Variants in CLMN observed in about 807,000 individuals in gnomAD.
CLMN encodes calmin (calponin-like, transmembrane).
In CLMN, 57 loss-of-function variants were observed where a neutral mutation model predicts 92.7. The observed-to-expected ratio is 0.61, with a 90% CI of 0.50 to 0.77. The LOEUF is 0.77. CLMN is among the 30% of genes least tolerant of loss of function. The pLI is 0.00. For synonymous variants in CLMN, 466 were observed against 470.6 expected, an observed-to-expected ratio of 0.99 and a Z score of 0.13; for missense variants, 1,158 against 1,237.5, an observed-to-expected ratio of 0.94 and a Z score of 0.96.
chr14:95,253,597 C>T (rs985745661), intron 1 of CLMN, among the ~76,000 whole-genome samples: 6 of 150,814 alleles, frequency 4.0e-5, no homozygotes, highest in East Asian at 3.9e-4. Flanking sequence ...CTCATTAACA[C>T]AGTGTTTTTT....
intron 1 of CLMN, among the ~76,000 whole-genome samples, chr14:95,316,648 G>C (rs1413323435): frequency 6.6e-6 from 1 of 152,264 alleles, no homozygotes; most frequent in East Asian, 1.9e-4. Context: ...GGATGAGCAA[G>C]TGAGCAGAGG....
chr14:95,273,554 C>T (rs1899798883), intron 1 of CLMN, among the ~76,000 whole-genome samples: 1 of 152,198 alleles, frequency 6.6e-6, no homozygotes, highest in Non-Finnish European at 1.5e-5. Context: ...GTAAGCCATG[C>T]TCAGGAAAGG....
In CLMN at chr14:95,294,927, C is replaced by T. The variant is rs1900743782; in HGVS notation, c.82+24784G>A. Among the ~76,000 whole-genome samples, 1 of 152,248 alleles carries T rather than the reference C, an allele frequency of 6.6e-6. No individual in the cohort carries two copies. Among genetic ancestry groups the T allele is most frequent in the South Asian group, 2.1e-4 (1 of 4,830 alleles). On this transcript the variant is annotated intron_variant, in intron 1 of 12. Coordinates refer to ENST00000298912, the MANE Select transcript of CLMN (RefSeq NM_024734.4). This position sits in a 1 kb window ranked among gnomAD's most constrained non-coding sequence, Gnocchi z 4.2. ...TGGGCCCCCAGCTCCAGCCAGAGTG[C>T]CCCTCACCAGGCGATAGCTTTGTGG...
chr14:95,198,603 T>G (rs1192647926), intron 9 of CLMN, among the ~76,000 whole-genome samples: 4 of 152,038 alleles, frequency 2.6e-5, no homozygotes, highest in Non-Finnish European at 5.9e-5. Context: ...AGGCAGACGG[T>G]GTTGATTTCA....
chr14:95,230,084 T>A lies in CLMN; in HGVS notation c.132A>T (p.Leu44=). ...QKRTFTRWIN[L]HLEKCNPPLE... is the part of the protein sequence containing the mutation. ...AGTGCGCCATTACCTTTTCTAGATG[T>A]AGATTTATCCATCGTGTAAAGGTCC... The change falls in exon 2 of 13, where the codon CTA becomes CTT. Residue 44 remains leucine (L), a synonymous_variant. Transcript: ENST00000298912. The A allele has an allele frequency of 6.2e-7, 1 of 1,614,218 alleles. No homozygotes were observed. Among genetic ancestry groups the A allele is most frequent in the African/African-American group, 1.3e-5 (1 of 75,070 alleles).
intron 1 of CLMN, among the ~76,000 whole-genome samples, chr14:95,245,692 G>GTGGGTGGA (rs1566891789): frequency 4.2e-5 from 3 of 70,956 alleles, no homozygotes; most frequent in African/African-American, 1.0e-4. Flanking sequence ...GGGTGGGTGG[G>GTGGGTGGA]TGGATGGATG....
intron 1 of CLMN, among the ~76,000 whole-genome samples, chr14:95,301,492 C>T (rs1335305580): frequency 7.2e-6 from 1 of 138,412 alleles, no homozygotes; most frequent in Non-Finnish European, 1.6e-5. Flanking sequence ...CACACTCACA[C>T]ATTGAGGGAT....
Position 95,319,876 on chromosome 14 carries a change from C to T in CLMN, c.-84G>A. The T allele has an allele frequency of 3.0e-6, 2 of 675,736 alleles. No individual in the cohort carries two copies. Among genetic ancestry groups the T allele is most frequent in the Non-Finnish European group, 3.5e-6 (2 of 569,008 alleles). The allele number at this position is 675,736 out of a possible 1,614,324, so 41.9% of individuals were successfully genotyped here. On this transcript the variant is annotated 5_prime_UTR_variant, in exon 1 of 13. Transcript: ENST00000298912. ...GGCTGGCGGGCGCGCGAGCGGCACG[C>T]ACCCGGCGAGGGCGCCGCGGAGCTG...
chr14:95,203,629 C>A lies in CLMN; in HGVS notation c.1720G>T (p.Ala574Ser). The A allele has an allele frequency of 6.2e-7, 1 of 1,614,172 alleles. No individual in the cohort carries two copies. The highest frequency in any genetic ancestry group is 1.1e-5 in the South Asian group (1 of 91,074). ...SKFNSDLIDF[A>S]STSQAFNKVP... ...TTGTTGAAAGCCTGGCTGGTAGAAG[C>A]AAAATCTATTAGGTCGCTGTTAAAT... The change falls in exon 9 of 13, where the codon GCT (alanine) becomes TCT (serine). Residue 574 changes from alanine to serine, a missense_variant. Physicochemically the swap from Ala to Ser is moderately conservative, Grantham distance 99. Transcript: ENST00000298912.
intron 1 of CLMN, among the ~76,000 whole-genome samples, chr14:95,243,444 A>G (rs1473110145): frequency 6.6e-6 from 1 of 152,076 alleles, no homozygotes; most frequent in Non-Finnish European, 1.5e-5. Flanking sequence ...CAGTACTGAA[A>G]ATCACATTTG....
At chr14:95,258,322 G>T (rs1566899396) in intron 1 of CLMN, among the ~76,000 whole-genome samples, 1 of 150,496 alleles carries the variant, frequency 6.6e-6, no homozygotes, top group Non-Finnish European at 1.5e-5. Context: ...TGTGGGGTGT[G>T]TGTATGTGTA....
At chr14:95,210,655 T>G (rs751134579) in intron 7 of CLMN, 31 bp downstream of exon 7, 1 of 1,587,618 alleles carries the variant, frequency 6.3e-7, no homozygotes, top group East Asian at 2.3e-5. Flanking sequence ...TAAAAAAAAA[T>G]TATTAGAAAG....
chr14:95,259,183 G>A lies in CLMN; in HGVS notation c.83-29050C>T, dbSNP rs530658377. Among the ~76,000 whole-genome samples, 1 of 152,184 alleles carries A rather than the reference G, an allele frequency of 6.6e-6. No homozygotes were observed. Among genetic ancestry groups the A allele is most frequent in the South Asian group, 2.1e-4 (1 of 4,824 alleles). On this transcript the variant is annotated intron_variant, in intron 1 of 12. Coordinates refer to ENST00000298912, the MANE Select transcript of CLMN (RefSeq NM_024734.4). This position sits in a 1 kb window ranked among gnomAD's most constrained non-coding sequence, Gnocchi z 4.3. ...GCTGCATGGCAGGCTGGAGCGGAGAGCTGTGCCGGCCAGCAGGGCTAGGAA... is the reference window on the plus strand; with the variant it reads ...GCTGCATGGCAGGCTGGAGCGGAGAACTGTGCCGGCCAGCAGGGCTAGGAA...
intron 12 of CLMN, chr14:95,193,491 C>A (rs1896611989): frequency 1.1e-6 from 1 of 934,962 alleles, no homozygotes; most frequent in East Asian, 2.6e-5. Flanking sequence ...CACAAGACCA[C>A]CACCTCTTCT....
intron 3 of CLMN, among the ~76,000 whole-genome samples, chr14:95,222,821 C>A (rs1246410250): frequency 6.6e-6 from 1 of 152,170 alleles, no homozygotes. Flanking sequence ...GTTAAGAGGT[C>A]TGATAAGATA....
At chr14:95,274,095 T>C (rs988715971) in intron 1 of CLMN, among the ~76,000 whole-genome samples, 5 of 152,198 alleles carry the variant, frequency 3.3e-5, no homozygotes, top group East Asian at 3.8e-4. Flanking sequence ...CCATGTTTTA[T>C]TGTGATTTCT....
chr14:95,218,251 G>A (rs755523230), intron 4 of CLMN, among the ~76,000 whole-genome samples: 1 of 152,192 alleles, frequency 6.6e-6, no homozygotes, highest in Non-Finnish European at 1.5e-5. Context: ...CCCGAGAATG[G>A]AGAGTGCTTT....
At chr14:95,216,669 G>T (rs1300293912) in intron 4 of CLMN, among the ~76,000 whole-genome samples, 1 of 152,206 alleles carries the variant, frequency 6.6e-6, no homozygotes, top group East Asian at 1.9e-4. Flanking sequence ...TATACCCAGG[G>T]TTTCTGCACC....
intron 1 of CLMN, among the ~76,000 whole-genome samples, chr14:95,306,104 G>T (rs1404386960): frequency 1.3e-5 from 2 of 152,166 alleles, no homozygotes; most frequent in African/African-American, 4.8e-5. Flanking sequence ...CAGGAGAGAA[G>T]CGAGGGGGAC....
Sources: gnomAD v4.1 joint callset for allele counts (sites outside exome capture counted in the v4.1 genomes callset) on GRCh38, gnomAD v4.1.1 for gene constraint, Gnocchi (gnomAD v3.1) non-coding constraint, MANE v1.5 for transcripts, NCBI Gene and HGNC (gene_info 2026-07-23, HGNC 2026-07-21) for gene names.